The following CDH7 variants were observed in gnomAD, a reference collection of about 807,000 sequenced individuals.
CDH7 encodes the protein cadherin-7.
Under a neutral mutation model 71.8 loss-of-function variants are expected in CDH7, and 25 were observed. That is an observed-to-expected ratio of 0.35 (90% CI 0.25 to 0.49). The LOEUF (loss-of-function observed/expected upper bound fraction) is 0.49, where lower values mean the gene tolerates loss of function less well. Among genes scored for constraint, CDH7 ranks in the 20% least tolerant of loss-of-function variants. CDH7 has a pLI of 0.99. For synonymous variants in CDH7, 381 were observed against 363.8 expected, an observed-to-expected ratio of 1.05 and a Z score of -0.54; for missense variants, 862 against 974.6, an observed-to-expected ratio of 0.88 and a Z score of 1.54.
intron 1 of CDH7, among the ~76,000 whole-genome samples, chr18:65,762,339 G>T (rs549842368): frequency 1.3e-5 from 2 of 152,212 alleles, no homozygotes; most frequent in East Asian, 1.9e-4. Flanking sequence ...AAATGATGCC[G>T]CTACATTTGT....
At chr18:65,807,187 G>A (rs1381445922) in intron 2 of CDH7, among the ~76,000 whole-genome samples, 3 of 152,066 alleles carry the variant, frequency 2.0e-5, no homozygotes, top group Non-Finnish European at 4.4e-5. Flanking sequence ...GAAGCAAGCA[G>A]TATGAAACTT....
chr18:65,830,931 G>A (rs1912328332), intron 6 of CDH7, among the ~76,000 whole-genome samples: 1 of 151,726 alleles, frequency 6.6e-6, no homozygotes, highest in African/African-American at 2.4e-5. Context: ...CTAGCTCATA[G>A]CCTGCGTCTA....
At chr18:65,837,924 ATT>A (rs67650944) in intron 6 of CDH7, among the ~76,000 whole-genome samples, 1 of 133,302 alleles carries the variant, frequency 7.5e-6, no homozygotes. Flanking sequence ...ATTTAGAGTA[ATT>A]TTTTTTTTTT....
chr18:65,876,243 GT>G (rs1365166705), intron 11 of CDH7, among the ~76,000 whole-genome samples: 2 of 152,152 alleles, frequency 1.3e-5, no homozygotes, highest in Non-Finnish European at 2.9e-5. Flanking sequence ...CTCAGAAAAT[GT>G]TGAATTGAAT....
chr18:65,871,685 G>A (rs1006571919), intron 11 of CDH7, among the ~76,000 whole-genome samples: 4 of 152,134 alleles, frequency 2.6e-5, no homozygotes, highest in Admixed American at 6.5e-5. Flanking sequence ...ACGTTAATGA[G>A]ATTAAACTTA....
intron 7 of CDH7, among the ~76,000 whole-genome samples, chr18:65,856,760 A>G (rs778201160): frequency 3.9e-4 from 60 of 152,072 alleles, no homozygotes; most frequent in Non-Finnish European, 7.8e-4. Context: ...AATGAGAGCC[A>G]TCTCACCCAA....
Position 65,789,704 on chromosome 18 carries a change from G to A in CDH7, c.211-20000G>A, listed in dbSNP as rs184347325. 2.0e-3 allele frequency among the ~76,000 whole-genome samples: 305 copies of A among 152,188 alleles called. 2 individuals carry two copies. Among genetic ancestry groups the A allele is most frequent in the African/African-American group, 7.2e-3 (298 of 41,530 alleles). ...CAGATAAATAACAATTATTTGGAAA[G>A]TAGAATAGTTGTGAGATGTTTAACA... On this transcript the variant is annotated intron_variant, in intron 2 of 11. Coordinates refer to ENST00000397968, the MANE Select transcript of CDH7 (RefSeq NM_004361.5).
intron 2 of CDH7, chr18:65,803,139 A>T (rs1911186276): frequency 6.6e-6 from 1 of 152,160 alleles, no homozygotes; most frequent in Non-Finnish European, 1.5e-5. Flanking sequence ...CAGATGAATA[A>T]ACTGGGACCC....
chr18:65,856,631 T>C (rs1196838039), intron 7 of CDH7, among the ~76,000 whole-genome samples: 3 of 152,052 alleles, frequency 2.0e-5, no homozygotes, highest in Non-Finnish European at 4.4e-5. Context: ...GAAAGGCCTT[T>C]ATGTTTAATG....
intron 11 of CDH7, among the ~76,000 whole-genome samples, chr18:65,870,471 T>C (rs1156583004): frequency 6.6e-6 from 1 of 152,070 alleles, no homozygotes; most frequent in African/African-American, 2.4e-5. Flanking sequence ...ATTTTACGTC[T>C]CTGCTTGAAA....
intron 4 of CDH7, among the ~76,000 whole-genome samples, chr18:65,817,798 A>C (rs1294575168): frequency 6.6e-6 from 1 of 152,190 alleles, no homozygotes; most frequent in African/African-American, 2.4e-5. Context: ...TATTATATGA[A>C]ATTCATTTAT....
intron 7 of CDH7, among the ~76,000 whole-genome samples, chr18:65,846,927 G>T (rs886131706): frequency 6.6e-6 from 1 of 152,104 alleles, no homozygotes; most frequent in African/African-American, 2.4e-5. Flanking sequence ...AGGTTATTGT[G>T]TTTCCATGCC....
chr18:65,809,768 G>T lies in CDH7; in HGVS notation c.275G>T (p.Ser92Ile), dbSNP rs748465617. ...IKYILSGEGA[S>I]SIFIIDENTG... is the part of the protein sequence containing the mutation. ...TACATCTTGTCAGGCGAAGGGGCAA[G>T]TTCCATTTTCATTATTGATGAGAAC... Residue 92 changes from serine to isoleucine, a missense_variant, in exon 3 of 12, where the codon AGT (serine) becomes ATT (isoleucine). Physicochemically the swap from Ser to Ile is moderately radical, Grantham distance 142 (BLOSUM62 -2). Coordinates refer to ENST00000397968, the MANE Select transcript of CDH7 (RefSeq NM_004361.5). The T allele has an allele frequency of 4.3e-6, 7 of 1,614,072 alleles. No individual in the cohort carries two copies. The South Asian group carries it at 4.4e-5, about 10-fold the overall frequency.
intron 6 of CDH7, among the ~76,000 whole-genome samples, chr18:65,834,864 A>G (rs908956142): frequency 6.6e-6 from 1 of 152,034 alleles, no homozygotes; most frequent in Non-Finnish European, 1.5e-5. Context: ...CTGGTCACCA[A>G]CTCTCATTCT....
rs1327583474 is a variant in CDH7, at chr18:65,881,291, C to T, written c.*397C>T. The T allele has an allele frequency of 6.3e-6, 1 of 157,706 alleles. No homozygotes were observed. The highest frequency in any genetic ancestry group is 1.4e-5 in the Non-Finnish European group (1 of 71,692). The allele number at this position is 157,706 out of a possible 1,614,324, so 9.8% of individuals were successfully genotyped here. On this transcript the variant is annotated 3_prime_UTR_variant, in exon 12 of 12. Transcript: ENST00000397968. ...GGTACTGTCATTGAGAGGAATAGAA[C>T]ATGATGAGCTATTGAAAAACCCTGG... is the stretch of plus-strand genomic sequence containing the variant.
intron 7 of CDH7, among the ~76,000 whole-genome samples, chr18:65,846,374 GT>G (rs773771781): frequency 3.9e-5 from 6 of 152,052 alleles, no homozygotes; most frequent in Non-Finnish European, 5.9e-5. Context: ...GAAGGTTCAG[GT>G]TTCTATTAGC....
chr18:65,792,869 C>T (rs1172363279), intron 2 of CDH7, among the ~76,000 whole-genome samples: 4 of 152,104 alleles, frequency 2.6e-5, no homozygotes, highest in African/African-American at 7.2e-5. Flanking sequence ...AGGGAGGCAG[C>T]GGGCAGTGCA....
chr18:65,836,803 G>T (rs1413205230), intron 6 of CDH7, among the ~76,000 whole-genome samples: 2 of 152,002 alleles, frequency 1.3e-5, no homozygotes, highest in Non-Finnish European at 1.5e-5. Flanking sequence ...CAGGTAATTT[G>T]TTTAGCCTTA....
At position 65,884,261 on chromosome 18, in the gene CDH7, A is replaced by G. The variant is rs1434117356; in HGVS notation, c.*3367A>G. ...AATTAGTCTCTGAAAGAAATATTCC[A>G]AGATCAGCCAGCTAAGGAACAAAAT... On this transcript the variant is annotated 3_prime_UTR_variant, in exon 12 of 12. Coordinates refer to ENST00000397968, the MANE Select transcript of CDH7 (RefSeq NM_004361.5). 6.6e-6 allele frequency: 1 copy of G among 152,182 alleles called. No homozygotes were observed. The highest frequency in any genetic ancestry group is 1.5e-5 in the Non-Finnish European group (1 of 67,998). The allele number at this position is 152,182 out of a possible 1,614,324, so 9.4% of individuals were successfully genotyped here.
Sources: allele counts gnomAD v4.1 joint callset (sites outside exome capture counted in the v4.1 genomes callset), GRCh38; gene constraint gnomAD v4.1.1; transcripts MANE v1.5; gene names NCBI Gene and HGNC (gene_info 2026-07-23, HGNC 2026-07-21).